The following PTPRN2 variants were observed in gnomAD, a reference collection of about 807,000 sequenced individuals.
PTPRN2 encodes the protein receptor-type tyrosine-protein phosphatase N2.
Under a neutral mutation model 118.8 loss-of-function variants are expected in PTPRN2, and 74 were observed. The observed-to-expected ratio is 0.62, with a 90% confidence interval of 0.52 to 0.76. The LOEUF is 0.76. PTPRN2 is among the 30% of genes least tolerant of loss of function. The probability of loss-of-function intolerance (pLI) is 0.00; values close to 1 mark genes in which losing one functional copy is unlikely to be tolerated. For missense variants in PTPRN2, 1,481 were observed against 1,394.4 expected (o/e 1.06, Z -0.99); for synonymous variants, 641 against 608.0 (o/e 1.05, Z -0.80).
At chr7:158,147,878 C>G (rs1313093001) in intron 6 of PTPRN2, among the ~76,000 whole-genome samples, 41 of 136,278 alleles carry the variant, frequency 3.0e-4, no homozygotes, top group African/African-American at 5.2e-4. Flanking sequence ...GACACCCCAT[C>G]TCACGCCACG....
At chr7:158,581,346 G>C (rs1295161139) in intron 1 of PTPRN2, among the ~76,000 whole-genome samples, 5 of 152,168 alleles carry the variant, frequency 3.3e-5, no homozygotes, top group South Asian at 4.1e-4. Context: ...AACATGGAAG[G>C]CTCAGGGGTT....
intron 12 of PTPRN2, among the ~76,000 whole-genome samples, chr7:157,736,917 C>T (rs531742208): frequency 6.6e-6 from 1 of 152,274 alleles, no homozygotes; most frequent in South Asian, 2.1e-4. Context: ...ATGAAAAGCT[C>T]CTCTCCGTCC....
chr7:158,329,435 G>A (rs1265797233), intron 2 of PTPRN2, among the ~76,000 whole-genome samples: 2 of 152,222 alleles, frequency 1.3e-5, no homozygotes, highest in Non-Finnish European at 2.9e-5. Flanking sequence ...GGGTGCTGCT[G>A]TTAGCAGGCG....
intron 11 of PTPRN2, among the ~76,000 whole-genome samples, chr7:157,960,801 G>T: frequency 6.6e-6 from 1 of 152,072 alleles, no homozygotes. Flanking sequence ...GAGGTCAGAA[G>T]TTCGAGACCA....
chr7:157,728,173 A>G (rs1166709416), intron 12 of PTPRN2, among the ~76,000 whole-genome samples: 2 of 152,198 alleles, frequency 1.3e-5, no homozygotes, highest in Non-Finnish European at 2.9e-5. Context: ...TCCGGGTCCC[A>G]CGAAGCCAGG....
rs1001563208 is a variant in PTPRN2, at chr7:157,598,286, T to C, written c.2419-2971A>G. Reference sequence around the variant, plus strand: ...CTCCTACTCATGACTTTCCATTTCATTGCAACATACTTTTTATTTGTATGA... The same window carrying C: ...CTCCTACTCATGACTTTCCATTTCACTGCAACATACTTTTTATTTGTATGA... On this transcript the variant is annotated intron_variant, in intron 16 of 22. Transcript: ENST00000389418. The surrounding 1 kb of genome is among the most constrained non-coding windows in gnomAD (Gnocchi z 5.2). Among the ~76,000 whole-genome samples, 6 of 152,244 alleles carry C rather than the reference T, an allele frequency of 3.9e-5. No homozygotes were observed. Among genetic ancestry groups the C allele is most frequent in the African/African-American group, 1.4e-4 (6 of 41,464 alleles).
intron 2 of PTPRN2, among the ~76,000 whole-genome samples, chr7:158,331,460 A>G (rs1330816561): frequency 1.1e-4 from 15 of 141,942 alleles, no homozygotes; most frequent in Middle Eastern, 4.0e-3. Flanking sequence ...AAGAGCTGAC[A>G]CCCGCAGACG....
intron 11 of PTPRN2, among the ~76,000 whole-genome samples, chr7:158,073,406 G>T (rs1050191409): frequency 3.3e-5 from 5 of 152,282 alleles, no homozygotes; most frequent in East Asian, 1.9e-4. Flanking sequence ...TTGGCTTCAG[G>T]GCCGCACTGG....
At chr7:158,109,932 T>TC (rs1563447613) in intron 10 of PTPRN2, among the ~76,000 whole-genome samples, 41 of 151,736 alleles carry the variant, frequency 2.7e-4, no homozygotes, top group African/African-American at 9.0e-4. Flanking sequence ...ATGACGTCAC[T>TC]CTGTGGGAGC....
intron 6 of PTPRN2, among the ~76,000 whole-genome samples, chr7:158,149,587 G>T (rs955107085): frequency 6.6e-6 from 1 of 152,154 alleles, no homozygotes; most frequent in Non-Finnish European, 1.5e-5. Flanking sequence ...TGGATCACCT[G>T]AGGTCAGGAG....
At chr7:158,173,152 A>G (rs1823867393) in intron 5 of PTPRN2, among the ~76,000 whole-genome samples, 1 of 149,852 alleles carries the variant, frequency 6.7e-6, no homozygotes, top group Non-Finnish European at 1.5e-5. Flanking sequence ...CCCATCATCA[A>G]CAGCAGCATC....
chr7:157,956,658 C>T (rs1801203175), intron 11 of PTPRN2, among the ~76,000 whole-genome samples: 1 of 152,224 alleles, frequency 6.6e-6, no homozygotes, highest in Admixed American at 6.5e-5. Flanking sequence ...GATGCCAAGA[C>T]AGGGCTGCCC....
chr7:157,789,333 G>A (rs941552566), intron 12 of PTPRN2, among the ~76,000 whole-genome samples: 3 of 152,202 alleles, frequency 2.0e-5, no homozygotes, highest in Non-Finnish European at 4.4e-5. Flanking sequence ...TGTTGGGCAC[G>A]TTCCCTCCTG....
At chr7:157,781,643 C>T (rs1348774957) in intron 12 of PTPRN2, among the ~76,000 whole-genome samples, 1 of 152,192 alleles carries the variant, frequency 6.6e-6, no homozygotes, top group African/African-American at 2.4e-5. Context: ...TGGTGCATGG[C>T]GGAAGCTTCC....
chr7:158,556,765 TGCTCCCACGCAGGTC>T (rs1335183549), intron 1 of PTPRN2, among the ~76,000 whole-genome samples: 11 of 83,920 alleles, frequency 1.3e-4, no homozygotes, highest in Non-Finnish European at 1.9e-4. Context: ...CCGAGCAGGT[TGCTCCCACGCAGGTC>T]GCTCCCACGC....
intron 14 of PTPRN2, among the ~76,000 whole-genome samples, chr7:157,650,927 C>T (rs746397068): frequency 5.9e-5 from 9 of 152,222 alleles, no homozygotes; most frequent in African/African-American, 1.4e-4. Context: ...TCTCAAGGTG[C>T]ACAGGCAGAG....
At chr7:157,864,002 GCT>G (rs1810436933) in intron 12 of PTPRN2, 1 of 152,214 alleles carries the variant, frequency 6.6e-6, no homozygotes, top group South Asian at 2.1e-4. Context: ...CTCCAAAAAC[GCT>G]CTCTGCATGT....
rs147277318 is a variant in PTPRN2 at position 157,734,160 on chromosome 7, T to C, written c.1789-51223A>G. Among the ~76,000 whole-genome samples, 51 of 57,024 alleles carry C rather than the reference T, an allele frequency of 8.9e-4. 10 individuals are homozygous for C. Among genetic ancestry groups the C allele is most frequent in the Non-Finnish European group, 1.2e-3 (32 of 25,742 alleles). 37.4% of individuals were successfully genotyped at this position (57,024 alleles called of 152,430 possible). ...CGTCCCAGGCGCCCAGCACAGTTAC[T>C]CTTTTCCACCCCATGCACCCAGCAC... On this transcript the variant is annotated intron_variant, in intron 12 of 22. Coordinates refer to ENST00000389418, the MANE Select transcript of PTPRN2 (RefSeq NM_002847.5).
At chr7:158,191,129 T>C (rs1317409885) in intron 5 of PTPRN2, among the ~76,000 whole-genome samples, 1 of 152,222 alleles carries the variant, frequency 6.6e-6, no homozygotes, top group Non-Finnish European at 1.5e-5. Context: ...ACGCGTCCTC[T>C]GGGAGGACTC....
Sources: gnomAD v4.1 joint callset for allele counts (sites outside exome capture counted in the v4.1 genomes callset) on GRCh38, gnomAD v4.1.1 for gene constraint, Gnocchi (gnomAD v3.1) non-coding constraint, MANE v1.5 for transcripts, NCBI Gene and HGNC (gene_info 2026-07-23, HGNC 2026-07-21) for gene names.